The following PTPA variants were observed in gnomAD, a reference collection of about 807,000 sequenced individuals.
PTPA encodes the protein protein phosphatase 2 phosphatase activator, also known as serine/threonine-protein phosphatase 2A activator.
Under a neutral mutation model 43.6 loss-of-function variants are expected in PTPA, and 13 were observed. The observed-to-expected ratio is 0.30, with a 90% CI of 0.19 to 0.47. The LOEUF is 0.47. PTPA is among the 20% of genes least tolerant of loss of function. The pLI, the probability that PTPA is intolerant of heterozygous loss-of-function variation, is 0.99. For synonymous variants in PTPA, 172 were observed against 158.2 expected (o/e 1.09, Z -0.66); for missense variants, 329 against 411.9 (o/e 0.80, Z 1.74).
rs574474395 is a variant in PTPA, at chr9:129,145,294, G to A, written c.895-2093G>A. ...TGCAGTGAGCCGAGATCATGCCACTGCACTCCAGCCTGGGCAACAGCGAGA... is the reference window on the plus strand; with the variant it reads ...TGCAGTGAGCCGAGATCATGCCACTACACTCCAGCCTGGGCAACAGCGAGA... On this transcript the variant is annotated intron_variant, in intron 9 of 9. Transcript: ENST00000393370. Among the ~76,000 whole-genome samples, 14 of 151,016 alleles carry A rather than the reference G, an allele frequency of 9.3e-5. No homozygotes were observed. The South Asian group carries it at 2.3e-3, about 25-fold the overall frequency.
rs555204013 is a variant in PTPA at position 129,141,075 on chromosome 9, C to T, written c.787-1370C>T. On this transcript the variant is annotated intron_variant, in intron 8 of 9. Coordinates refer to ENST00000393370, the MANE Select transcript of PTPA (RefSeq NM_178000.3). The stretch of plus-strand genomic sequence containing the variant: ...GAGGGAGGAGCCTGTTGTCCTTGCT[C>T]CTGAACATGGGTGTTTGGATGGGCT... Among the ~76,000 whole-genome samples, 50 of 152,108 alleles carry T rather than the reference C, an allele frequency of 3.3e-4. 1 individual carries two copies. The South Asian group carries it at 0.01, about 31-fold the overall frequency.
chr9:129,146,304 G>C (rs1223184786), intron 9 of PTPA, among the ~76,000 whole-genome samples: 2 of 152,100 alleles, frequency 1.3e-5, no homozygotes, highest in African/African-American at 4.8e-5. Context: ...CATGAGCTTG[G>C]TTTCCATCCT....
rs1406895965 is a variant in PTPA, at chr9:129,120,378, C to T, written c.32-135C>T. The T allele has an allele frequency of 8.4e-5, 52 of 618,154 alleles. 3 individuals are homozygous for T. In the South Asian group the frequency reaches 9.0e-4, roughly 11 times the overall value. 38.3% of individuals were successfully genotyped at this position (618,154 alleles called of 1,614,324 possible). On this transcript the variant is annotated intron_variant, in intron 1 of 9. Transcript: ENST00000393370. The stretch of plus-strand genomic sequence containing the variant: ...GGTGGAGGTTGCATTGAGCCAAGAT[C>T]GTGTCACTGGACTCCAGCCTGGGCA...
intron 1 of PTPA, among the ~76,000 whole-genome samples, chr9:129,116,719 C>G (rs1332202642): frequency 6.6e-6 from 1 of 151,922 alleles, no homozygotes; most frequent in African/African-American, 2.4e-5. Flanking sequence ...TTAGTAGAGA[C>G]AGGGTTTCGC....
At chr9:129,144,796 G>A (rs1038908021) in intron 9 of PTPA, among the ~76,000 whole-genome samples, 7 of 150,692 alleles carry the variant, frequency 4.6e-5, no homozygotes, top group African/African-American at 1.7e-4. Flanking sequence ...AATTTGGGAG[G>A]CTGAGGTGGG....
upstream of PTPA, chr9:129,111,373 C>A: frequency 8.2e-7 from 1 of 1,224,792 alleles, no homozygotes; most frequent in Middle Eastern, 3.1e-4. Context: ...GCGCGTCCGC[C>A]GCGCGCCGGC....
At position 129,138,121 on chromosome 9, in the gene PTPA, C is replaced by G. The variant is rs531009480; in HGVS notation, c.786+429C>G. On this transcript the variant is annotated intron_variant, in intron 8 of 9. Coordinates refer to ENST00000393370, the MANE Select transcript of PTPA (RefSeq NM_178000.3). ...GAGGAGATGGAGCGAACTTCTGGTGCAGACAGCTTTTCTGTCGAAGGGACA... is the reference window on the plus strand; with the variant it reads ...GAGGAGATGGAGCGAACTTCTGGTGGAGACAGCTTTTCTGTCGAAGGGACA... 16 of 247,264 alleles carry G rather than the reference C, an allele frequency of 6.5e-5. No homozygotes were observed. In the East Asian group the frequency reaches 1.1e-3, roughly 16 times the overall value. 15.3% of individuals were successfully genotyped at this position (247,264 alleles called of 1,614,324 possible).
chr9:129,122,974 C>T, intron 2 of PTPA, 78 bp from the exon 3 acceptor site: 1 of 1,125,778 alleles, frequency 8.9e-7, no homozygotes, highest in Non-Finnish European at 1.3e-6. Flanking sequence ...CTTTGGTAAC[C>T]TGGTGGAGCT....
At chr9:129,120,120 T>C (rs1246438411) in intron 1 of PTPA, among the ~76,000 whole-genome samples, 4 of 152,116 alleles carry the variant, frequency 2.6e-5, no homozygotes, top group Non-Finnish European at 5.9e-5. Flanking sequence ...TAGCTAGGCA[T>C]GGTGACATAC....
At chr9:129,117,221 A>G (rs1178749147) in intron 1 of PTPA, among the ~76,000 whole-genome samples, 1 of 150,632 alleles carries the variant, frequency 6.6e-6, no homozygotes, top group Non-Finnish European at 1.5e-5. Flanking sequence ...TAATTTTTGT[A>G]TTTTTTGTAG....
intron 1 of PTPA, among the ~76,000 whole-genome samples, chr9:129,112,520 G>C (rs1244279137): frequency 1.3e-5 from 2 of 152,240 alleles, no homozygotes; most frequent in Non-Finnish European, 2.9e-5. Context: ...GAGAAATGTT[G>C]AAAATCAGAA....
intron 3 of PTPA, among the ~76,000 whole-genome samples, chr9:129,124,387 T>C (rs1588498578): frequency 2.0e-5 from 3 of 152,250 alleles, no homozygotes; most frequent in Admixed American, 2.0e-4. Context: ...TTAGGTTGTC[T>C]TGGTAAACAT....
At chr9:129,138,606 G>A (rs772885391) in intron 8 of PTPA, among the ~76,000 whole-genome samples, 8 of 152,114 alleles carry the variant, frequency 5.3e-5, no homozygotes, top group Non-Finnish European at 1.2e-4. Flanking sequence ...TCCCTTTCCC[G>A]ACACCAGCAC....
chr9:129,142,354 G>GTGTGCA, intron 8 of PTPA, 91 bp from the exon 9 acceptor site: 1 of 1,155,778 alleles, frequency 8.7e-7, no homozygotes, highest in Non-Finnish European at 1.2e-6. Context: ...GTGTGTGTGT[G>GTGTGCA]TGCATGCATG....
intron 1 of PTPA, among the ~76,000 whole-genome samples, chr9:129,120,261 G>GA (rs56124277): frequency 1.2e-4 from 18 of 144,700 alleles, no homozygotes; most frequent in East Asian, 4.1e-4. Flanking sequence ...CTGTCTCAAA[G>GA]AAAAAAAAAA....
chr9:129,111,274 G>C (rs768499994), upstream of PTPA: 6 of 1,202,240 alleles, frequency 5.0e-6, no homozygotes, highest in Non-Finnish European at 6.2e-6. Flanking sequence ...CCCGACGTTC[G>C]GGCGGCCGTG....
chr9:129,135,957 T>TA (rs1355111218), intron 6 of PTPA, among the ~76,000 whole-genome samples: 2 of 151,882 alleles, frequency 1.3e-5, no homozygotes, highest in Non-Finnish European at 2.9e-5. Flanking sequence ...ATCAGTGATT[T>TA]TTTATTTATT....
intron 3 of PTPA, among the ~76,000 whole-genome samples, chr9:129,125,103 C>G (rs1849491773): frequency 6.6e-6 from 1 of 152,120 alleles, no homozygotes; most frequent in Non-Finnish European, 1.5e-5. Context: ...CTCCTGGAGC[C>G]TGTGGTGAGG....
intron 4 of PTPA, among the ~76,000 whole-genome samples, chr9:129,129,334 G>A (rs987234517): frequency 9.9e-5 from 15 of 152,122 alleles, no homozygotes; most frequent in Non-Finnish European, 2.1e-4. Context: ...CTACAAGGCT[G>A]TTTATTAAGT....
Sources: allele counts gnomAD v4.1 joint callset (sites outside exome capture counted in the v4.1 genomes callset), GRCh38; gene constraint gnomAD v4.1.1; transcripts MANE v1.5; gene names NCBI Gene and HGNC (gene_info 2026-07-23, HGNC 2026-07-21).